Variants in LILRB2 observed in about 807,000 individuals in gnomAD.
LILRB2 encodes leukocyte immunoglobulin like receptor B2.
LILRB2 carries 47 observed loss-of-function variants against 72.7 expected under a neutral mutation model. The ratio of observed to expected loss-of-function variants is 0.65; its 90% CI spans 0.51 to 0.82. The LOEUF is 0.82. LILRB2 is among the 40% of genes least tolerant of loss of function. The probability of loss-of-function intolerance (pLI) is 0.00; values close to 1 mark genes in which losing one functional copy is unlikely to be tolerated. For synonymous variants in LILRB2, 279 were observed against 313.7 expected (o/e 0.89, Z 1.17); for missense variants, 767 against 764.8 (o/e 1.00, Z -0.03).
rs148321423 is a variant in LILRB2, at chr19:54,277,919, G to T, written c.1279C>A (p.Pro427Thr). ...VVSGPSMGSS[P>T]PPTGPISTPG... ...GTGGAGATGGGACCGGTGGGTGGGG[G>T]GCTGGAACCCATGGAGGGTCCTGGG... Residue 427 changes from proline (P) to threonine (T), a missense_variant, in exon 8 of 14, where the codon CCC (proline) becomes ACC (threonine). Pro to Thr is a conservative substitution (Grantham distance 38). Coordinates refer to ENST00000314446, the MANE Select transcript of LILRB2 (RefSeq NM_001080978.4). The T allele has an allele frequency of 3.9e-6, 6 of 1,539,550 alleles. No homozygotes were observed. In the African/African-American group the frequency reaches 5.5e-5, roughly 14 times the overall value.
rs1569108839 is a variant in LILRB2, at chr19:54,279,641, T to C, written c.362A>G (p.Tyr121Cys). The C allele has an allele frequency of 1.9e-6, 3 of 1,605,192 alleles. No individual in the cohort carries two copies. Among genetic ancestry groups the C allele is most frequent in the Non-Finnish European group, 1.7e-6 (2 of 1,173,294 alleles). The change falls in exon 5 of 14, where the codon TAC (tyrosine) becomes TGC (cysteine). Residue 121 changes from tyrosine (Y) to cysteine (C), a missense_variant. This residue lies in a region of LILRB2 where 599 missense variants were observed against 568.2 expected (regional missense o/e 1.05). Transcript: ENST00000314446. ...DPLVLVMTGA[Y>C]PKPTLSAQPS... is the part of the protein sequence containing the mutation. ...CTGGGCTGAGAGGGTGGGTTTTGGG[T>C]AGGCTCCTAGGAGAGAAGGAGGCAT...
intron 7 of LILRB2, 32 bp downstream of exon 7, chr19:54,278,228 G>C: frequency 6.2e-7 from 1 of 1,612,382 alleles, no homozygotes. Flanking sequence ...CTGAGCCTTT[G>C]AGCTCAGAGA....
chr19:54,277,636 C>T, intron 8 of LILRB2, 39 bp from the exon 9 acceptor site: 1 of 1,547,964 alleles, frequency 6.5e-7, no homozygotes, highest in Non-Finnish European at 8.7e-7. Flanking sequence ...CTGGGGCTGC[C>T]CTGCTCCCCA....
Position 54,274,084 on chromosome 19 carries a change from C to T in LILRB2, c.*599G>A, listed in dbSNP as rs974994028. 14 of 153,070 alleles carry T rather than the reference C, an allele frequency of 9.1e-5. No homozygotes were observed. Among genetic ancestry groups the T allele is most frequent in the African/African-American group, 3.4e-4 (14 of 41,432 alleles). 9.5% of individuals were successfully genotyped at this position (153,070 alleles called of 1,614,324 possible). A position where few individuals can be genotyped will look rare whatever the true frequency, so the allele number is the denominator to read the frequency against. On this transcript the variant is annotated 3_prime_UTR_variant, in exon 14 of 14. Transcript: ENST00000314446. ...GGATCTGCTGGGCTGTCTGCTGGCT[C>T]ACTCCCATATGGAAATGCGTGCCTG... is the stretch of plus-strand genomic sequence containing the variant.
rs1241570986 is a variant in LILRB2, at chr19:54,278,345, C to T, written c.1173G>A (p.Ala391=). 5.0e-6 allele frequency: 8 copies of T among 1,614,210 alleles called. No individual in the cohort carries two copies. Among genetic ancestry groups the T allele is most frequent in the African/African-American group, 2.7e-5 (2 of 75,054 alleles). Residue 391 remains alanine, a synonymous_variant, in exon 7 of 14, where the codon GCG becomes GCA. Transcript: ENST00000314446. ...FPMSPVTSAH[A]GTYRCYGSLN... ...GTGAGCCGTAGCACCTGTAGGTCCC[C>T]GCGTGGGCTGAGGTCACAGGACTCA... is the stretch of plus-strand genomic sequence containing the variant.
Position 54,274,444 on chromosome 19 carries a change from G to C in LILRB2, c.*239C>G, listed in dbSNP as rs2080119736. On this transcript the variant is annotated 3_prime_UTR_variant, in exon 14 of 14. Coordinates refer to ENST00000314446, the MANE Select transcript of LILRB2 (RefSeq NM_001080978.4). ...AAGCACATTCTTACTTCTGATTTTA[G>C]TTTTCTCGGTTAACTCATTGATTAT... The C allele has an allele frequency of 4.5e-6, 3 of 664,870 alleles. No homozygotes were observed. The South Asian group carries it at 7.3e-5, about 16-fold the overall frequency. The allele number at this position is 664,870 out of a possible 1,614,324, so 41.2% of individuals were successfully genotyped here. A position where few individuals can be genotyped will look rare whatever the true frequency, so the allele number is the denominator to read the frequency against.
intron 9 of LILRB2, chr19:54,277,160 A>G (rs1449355953): frequency 1.2e-5 from 18 of 1,494,386 alleles, no homozygotes; most frequent in Non-Finnish European, 9.1e-7. Flanking sequence ...GGAGCCTGGG[A>G]GTCTGACCTG....
chr19:54,279,813 G>T lies in LILRB2; in HGVS notation c.333C>A (p.Asp111Glu). The change falls in exon 4 of 14, where the codon GAC becomes GAA. Residue 111 changes from aspartate (D) to glutamate (E), a missense_variant. Transcript: ENST00000314446. Reference protein sequence around the residue: ...YSRARWSELSDPLVLVMTGAY... With the variant: ...YSRARWSELSEPLVLVMTGAY... Reference sequence around the variant, plus strand: ...CACCTGTCATCACCAGCACCAGGGGGTCACTGAGCTCAGACCACCGAGCGC... The same window carrying T: ...CACCTGTCATCACCAGCACCAGGGGTTCACTGAGCTCAGACCACCGAGCGC... The T allele has an allele frequency of 2.5e-6, 4 of 1,613,962 alleles. No individual in the cohort carries two copies. Among genetic ancestry groups the T allele is most frequent in the Non-Finnish European group, 2.5e-6 (3 of 1,179,974 alleles).
Position 54,277,626 on chromosome 19 carries a change from C to G in LILRB2, c.1310-29G>C, listed in dbSNP as rs376082824. Reference sequence around the variant, plus strand: ...CTGGGTCAGGACGGGGAGGTGAGGGCTGGGGCTGCCCTGCTCCCCACATCA... The same window carrying G: ...CTGGGTCAGGACGGGGAGGTGAGGGGTGGGGCTGCCCTGCTCCCCACATCA... On this transcript the variant is annotated intron_variant, in intron 8 of 13. Coordinates refer to ENST00000314446, the MANE Select transcript of LILRB2 (RefSeq NM_001080978.4). 5.1e-3 allele frequency: 7,972 copies of G among 1,555,350 alleles called. 261 individuals are homozygous for G. The South Asian group carries it at 0.066, about 13-fold the overall frequency.
intron 8 of LILRB2, 129 bp from the exon 9 acceptor site, chr19:54,277,726 C>T: frequency 7.4e-7 from 1 of 1,356,576 alleles, no homozygotes; most frequent in Non-Finnish European, 1.0e-6. Context: ...ACCAGCCCAG[C>T]CTCAGAGCCC....
In LILRB2 at chr19:54,280,510, A is replaced by T; in HGVS notation, c.-14T>A. The stretch of plus-strand genomic sequence containing the variant: ...GATGGGGGTCATGGCGTCTCCTCCC[A>T]CTGCCCTGCTCTGCGGATGGATGAG... On this transcript the variant is annotated 5_prime_UTR_variant, in exon 2 of 14. Coordinates refer to ENST00000314446, the MANE Select transcript of LILRB2 (RefSeq NM_001080978.4). 6.2e-7 allele frequency: 1 copy of T among 1,613,426 alleles called. No individual in the cohort carries two copies. Among genetic ancestry groups the T allele is most frequent in the Non-Finnish European group, 8.5e-7 (1 of 1,179,874 alleles).
rs1356684688 is a variant in LILRB2, at chr19:54,279,092, T to A, written c.675A>T (p.Pro225=). Residue 225 remains proline, a synonymous_variant, in exon 6 of 14, where the codon CCA becomes CCT. Transcript: ENST00000314446. ...ELLVPGVSKK[P]SLSVQPGPVM... is the part of the protein sequence containing the mutation. ...CAGGACCCGGCTGCACTGAGAGTGATGGCTTCTTAGAAACACCTGGGAAAA... is the reference window on the plus strand; with the variant it reads ...CAGGACCCGGCTGCACTGAGAGTGAAGGCTTCTTAGAAACACCTGGGAAAA... 1.2e-6 allele frequency: 2 copies of A among 1,612,968 alleles called. No homozygotes were observed. The highest frequency in any genetic ancestry group is 1.7e-6 in the Non-Finnish European group (2 of 1,179,226).
At chr19:54,275,469 G>C in intron 13 of LILRB2, 1 of 516,170 alleles carries the variant, frequency 1.9e-6, no homozygotes, top group Non-Finnish European at 3.9e-6. Flanking sequence ...TTTCCCTGGT[G>C]TATGTTCCTT....
At position 54,279,610 on chromosome 19, in the gene LILRB2, G is replaced by A; in HGVS notation, c.393C>T (p.Ser131=). Residue 131 remains serine (S), a synonymous_variant, in exon 5 of 14, where the codon AGC becomes AGT. Transcript: ENST00000314446. ...YPKPTLSAQP[S]PVVTSGGRVT... is the part of the protein sequence containing the mutation. ...CCCTTCCTCCTGAGGTCACCACAGG[G>A]CTGGGCTGGGCTGAGAGGGTGGGTT... The A allele has an allele frequency of 3.7e-6, 6 of 1,614,034 alleles. No homozygotes were observed. Among genetic ancestry groups the A allele is most frequent in the Non-Finnish European group, 5.1e-6 (6 of 1,179,968 alleles).
rs1013897008 is a variant in LILRB2 at position 54,278,202 on chromosome 19, G to C, written c.1258+58C>G. 4.4e-6 allele frequency: 7 copies of C among 1,599,688 alleles called. No individual in the cohort carries two copies. In the East Asian group the frequency reaches 8.9e-5, roughly 20 times the overall value. ...TCCATCCCAGCCCAGAGCTCTCCTG[G>C]GGGGCAGGGCCTGAGCTGAGCCTTT... On this transcript the variant is annotated intron_variant, in intron 7 of 13. Coordinates refer to ENST00000314446, the MANE Select transcript of LILRB2 (RefSeq NM_001080978.4).
At chr19:54,280,808 A>G (rs778767993) in intron 1 of LILRB2, 153 bp downstream of exon 1, 23 of 722,976 alleles carry the variant, frequency 3.2e-5, no homozygotes, top group Non-Finnish European at 5.0e-5. Context: ...TCTCACCGAG[A>G]GCCGGGATGT....
Position 54,277,600 on chromosome 19 carries a change from G to C in LILRB2, c.1310-3C>G, listed in dbSNP as rs2080299708. ...GGTGAGGGGCTGGTCCTCAGGGCCT[G>C]CTGGGTCAGGACGGGGAGGTGAGGG... On this transcript the variant is annotated splice_region_variant and splice_polypyrimidine_tract_variant and intron_variant, in intron 8 of 13. Coordinates refer to ENST00000314446, the MANE Select transcript of LILRB2 (RefSeq NM_001080978.4). 1 of 1,573,616 alleles carries C rather than the reference G, an allele frequency of 6.4e-7. No homozygotes were observed. Among genetic ancestry groups the C allele is most frequent in the Admixed American group, 1.8e-5 (1 of 54,362 alleles).
At chr19:54,278,093 C>A (rs746357623) in intron 7 of LILRB2, 154 bp from the exon 8 acceptor site, 30 of 1,152,814 alleles carry the variant, frequency 2.6e-5, no homozygotes, top group Non-Finnish European at 3.3e-5. Flanking sequence ...GCTGAGTGTG[C>A]GCAGGCCTGG....
intron 12 of LILRB2, 30 bp downstream of exon 12, chr19:54,276,234 C>A: frequency 6.2e-7 from 1 of 1,613,876 alleles, no homozygotes; most frequent in Non-Finnish European, 8.5e-7. Context: ...CTATCTCCCT[C>A]CTGGCTGGTC....
Sources: allele counts gnomAD v4.1 joint callset, GRCh38; gene constraint gnomAD v4.1.1; regional missense constraint gnomAD v4.1.1; transcripts MANE v1.5; gene names NCBI Gene and HGNC (gene_info 2026-07-23, HGNC 2026-07-21).